Variants in RABL6 observed in about 807,000 individuals in gnomAD.
RABL6 encodes the protein RAB, member RAS oncogene family like 6.
In RABL6, 28 loss-of-function variants were observed where a neutral mutation model predicts 72.9. That is an observed-to-expected ratio of 0.38 (90% CI 0.28 to 0.53). The LOEUF (loss-of-function observed/expected upper bound fraction) is 0.53. RABL6 is among the 20% of genes least tolerant of loss of function. RABL6 has a pLI of 0.80. For missense variants in RABL6, 1,029 were observed against 1,008.4 expected (o/e 1.02, Z -0.28); for synonymous variants, 477 against 421.2 (o/e 1.13, Z -1.62).
intron 7 of RABL6, chr9:136,833,370 C>T: frequency 2.6e-6 from 1 of 384,062 alleles, no homozygotes; most frequent in East Asian, 7.1e-5. Flanking sequence ...GTCTGGGGGA[C>T]CTGAACCTCC....
Position 136,837,387 on chromosome 9 carries a change from C to T in RABL6, c.851C>T (p.Ser284Phe), listed in dbSNP as rs1238638195. The change falls in exon 9 of 15, where the codon TCC becomes TTC. Residue 284 changes from serine (S) to phenylalanine (F), a missense_variant. Coordinates refer to ENST00000311502, the MANE Select transcript of RABL6 (RefSeq NM_024718.5). ...GAGGCTCGCAGCCGTGGCCATGCGTCCCCACTGGCGGCCAACGGGCAGAGC... is the reference window on the plus strand; with the variant it reads ...GAGGCTCGCAGCCGTGGCCATGCGTTCCCACTGGCGGCCAACGGGCAGAGC... The part of the protein sequence containing the change: ...MMEARSRGHA[S>F]PLAANGQSPS... 1 of 1,601,954 alleles carries T rather than the reference C, an allele frequency of 6.2e-7. No individual in the cohort carries two copies. Among genetic ancestry groups the T allele is most frequent in the Non-Finnish European group, 8.5e-7 (1 of 1,175,264 alleles).
intron 1 of RABL6, chr9:136,821,938 C>G (rs148050840): frequency 7.8e-7 from 1 of 1,288,460 alleles, no homozygotes. Context: ...GAGGTTTTGC[C>G]GCAGCGCTGG....
chr9:136,817,728 C>T (rs1295697018), intron 1 of RABL6, among the ~76,000 whole-genome samples: 1 of 152,134 alleles, frequency 6.6e-6, no homozygotes, highest in Non-Finnish European at 1.5e-5. Flanking sequence ...GGTTATTCTT[C>T]AGAGAGGTGG....
At chr9:136,828,765 C>T (rs1214507007) in intron 4 of RABL6, among the ~76,000 whole-genome samples, 1 of 152,226 alleles carries the variant, frequency 6.6e-6, no homozygotes, top group Non-Finnish European at 1.5e-5. Flanking sequence ...GTTGGACTGA[C>T]CCCTATTTGC....
At chr9:136,816,917 C>A (rs1848131235) in intron 1 of RABL6, among the ~76,000 whole-genome samples, 1 of 152,098 alleles carries the variant, frequency 6.6e-6, no homozygotes, top group South Asian at 2.1e-4. Context: ...ACTCTTCATT[C>A]TCAAAATGTG....
intron 8 of RABL6, chr9:136,836,812 G>C (rs1169121133): frequency 1.2e-5 from 3 of 253,538 alleles, no homozygotes; most frequent in Non-Finnish European, 2.4e-5. Flanking sequence ...CAGATCCGAA[G>C]TGACTTTCAG....
At chr9:136,836,954 A>G in intron 8 of RABL6, 1 of 322,816 alleles carries the variant, frequency 3.1e-6, no homozygotes, top group Non-Finnish European at 6.0e-6. Context: ...GCTCACCGCA[A>G]GCTCCGCCTC....
At chr9:136,838,779 C>T (rs1295986136) in intron 10 of RABL6, 130 bp from the exon 11 acceptor site, 1 of 804,762 alleles carries the variant, frequency 1.2e-6, no homozygotes, top group Non-Finnish European at 1.9e-6. Context: ...CTCCACAACA[C>T]AGCACCTGGG....
rs767849778 is a variant in RABL6 at position 136,821,665 on chromosome 9, C to G, written c.131-1860C>G. 4.1e-4 allele frequency: 406 copies of G among 989,578 alleles called. 1 individual carries two copies. The highest frequency in any genetic ancestry group is 4.8e-4 in the Non-Finnish European group (399 of 833,010). 61.3% of individuals were successfully genotyped at this position (989,578 alleles called of 1,614,324 possible). A position where few individuals can be genotyped will look rare whatever the true frequency, so the allele number is the denominator to read the frequency against. Reference sequence around the variant, plus strand: ...GCCGCGGCCCGTCTCGGGCCTCCCGCCGCGCTGGGGCCTGGCTCCCTCCTG... The same window carrying G: ...GCCGCGGCCCGTCTCGGGCCTCCCGGCGCGCTGGGGCCTGGCTCCCTCCTG... On this transcript the variant is annotated intron_variant, in intron 1 of 14. Coordinates refer to ENST00000311502, the MANE Select transcript of RABL6 (RefSeq NM_024718.5).
At chr9:136,828,891 G>A (rs772688680) in intron 4 of RABL6, among the ~76,000 whole-genome samples, 5 of 152,164 alleles carry the variant, frequency 3.3e-5, no homozygotes, top group Non-Finnish European at 7.4e-5. Context: ...CGTGAGTTTC[G>A]CTCACCGGAG....
intron 8 of RABL6, 134 bp from the exon 9 acceptor site, chr9:136,837,212 C>T: frequency 9.7e-7 from 1 of 1,029,838 alleles, no homozygotes; most frequent in Non-Finnish European, 1.5e-6. Context: ...GGATGATGGC[C>T]TCTGTGGGGC....
intron 7 of RABL6, chr9:136,833,571 C>G: frequency 8.9e-7 from 1 of 1,121,742 alleles, no homozygotes; most frequent in East Asian, 2.6e-5. Context: ...CTGGGCTGCC[C>G]CAGCTGGGTC....
In RABL6 at chr9:136,839,331, A is replaced by G. The variant is rs372498938; in HGVS notation, c.1603A>G (p.Ser535Gly). The G allele has an allele frequency of 7.8e-5, 126 of 1,612,554 alleles. No individual in the cohort carries two copies. In the Admixed American group the frequency reaches 9.0e-4, roughly 12 times the overall value. The change falls in exon 12 of 15, where the codon AGC becomes GGC. Residue 535 changes from serine (S) to glycine (G), a missense_variant. By Grantham distance (56) the Ser-to-Gly change is moderately conservative (BLOSUM62 0). This residue lies in a region of RABL6 where 595 missense variants were observed against 472.4 expected (regional missense o/e 1.26). Transcript: ENST00000311502. ...SVRTGPEKRS[S>G]TRPPAEMEPG... is the part of the protein sequence containing the mutation. Reference sequence around the variant, plus strand: ...TCGCACAGGTCCGGAGAAGCGCAGCAGCACCAGGCCCCCTGCTGAGATGGA... The same window carrying G: ...TCGCACAGGTCCGGAGAAGCGCAGCGGCACCAGGCCCCCTGCTGAGATGGA...
chr9:136,812,712 T>C lies in RABL6; in HGVS notation c.130+4386T>C, dbSNP rs1848037868. The C allele has an allele frequency of 3.5e-5, 10 of 284,754 alleles. 1 individual carries two copies. The Admixed American group carries it at 3.6e-4, about 10-fold the overall frequency. 17.6% of individuals were successfully genotyped at this position (284,754 alleles called of 1,614,324 possible). A position where few individuals can be genotyped will look rare whatever the true frequency, so the allele number is the denominator to read the frequency against. The stretch of plus-strand genomic sequence containing the variant: ...TGTCCTCAGAGAGCTCTGTCATTGA[T>C]CAGGTAACGGAATAAAAACCCCAGC... On this transcript the variant is annotated intron_variant, in intron 1 of 14. Coordinates refer to ENST00000311502, the MANE Select transcript of RABL6 (RefSeq NM_024718.5).
At chr9:136,831,290 C>T (rs1468101014) in intron 5 of RABL6, among the ~76,000 whole-genome samples, 1 of 152,212 alleles carries the variant, frequency 6.6e-6, no homozygotes, top group African/African-American at 2.4e-5. Context: ...GCCGCAGAGG[C>T]ACCCCAGGGT....
intron 13 of RABL6, 86 bp downstream of exon 13, chr9:136,839,951 G>A: frequency 1.3e-6 from 2 of 1,529,518 alleles, no homozygotes; most frequent in Admixed American, 3.9e-5. Flanking sequence ...GCTGGCCGGG[G>A]TCCTCTCCTG....
Position 136,823,547 on chromosome 9 carries a change from C to G in RABL6, c.153C>G (p.Asp51Glu), listed in dbSNP as rs1172324711. 3.1e-6 allele frequency: 5 copies of G among 1,613,704 alleles called. No individual in the cohort carries two copies. The highest frequency in any genetic ancestry group is 4.2e-6 in the Non-Finnish European group (5 of 1,179,876). The change falls in exon 2 of 15, where the codon GAC becomes GAG. Residue 51 changes from aspartate to glutamate, a missense_variant. This residue lies in a region of RABL6 where 434 missense variants were observed against 536.1 expected (regional missense o/e 0.81). Transcript: ENST00000311502. ...CAGTGAAGATAGTGATCCGGGGAGA[C>G]AGGAACACGGGCAAGACAGCGCTGT... ...QYNMKIVIRG[D>E]RNTGKTALWH...
intron 3 of RABL6, 73 bp from the exon 4 acceptor site, chr9:136,828,421 G>A: frequency 1.3e-6 from 2 of 1,512,074 alleles, no homozygotes; most frequent in Admixed American, 1.7e-5. Flanking sequence ...AGTGGCCATG[G>A]GGGGACCATG....
At chr9:136,828,782 G>A (rs1026788019) in intron 4 of RABL6, among the ~76,000 whole-genome samples, 1 of 152,136 alleles carries the variant, frequency 6.6e-6, no homozygotes, top group African/African-American at 2.4e-5. Flanking sequence ...TTGCATTTGA[G>A]TGACCTGAGA....
Sources: allele counts gnomAD v4.1 joint callset (sites outside exome capture counted in the v4.1 genomes callset), GRCh38; gene constraint gnomAD v4.1.1; regional missense constraint gnomAD v4.1.1; transcripts MANE v1.5; gene names NCBI Gene and HGNC (gene_info 2026-07-23, HGNC 2026-07-21).